PTPRT: variants seen among roughly 807,000 people sequenced by gnomAD.
PTPRT encodes the protein protein tyrosine phosphatase receptor type T, also known as receptor-type tyrosine-protein phosphatase T.
PTPRT carries 56 observed loss-of-function variants against 176.8 expected under a neutral mutation model. The ratio of observed to expected loss-of-function variants is 0.32; its 90% CI spans 0.26 to 0.40. PTPRT has a LOEUF of 0.40. Among genes scored for constraint, PTPRT ranks in the 10% least tolerant of loss-of-function variants. The pLI is 1.00. For missense variants in PTPRT, 1,540 were observed against 1,908.2 expected (o/e 0.81, Z 3.60); for synonymous variants, 783 against 739.0 (o/e 1.06, Z -0.96).
chr20:43,185,454 C>T lies in PTPRT; in HGVS notation c.88+4192G>A, dbSNP rs561089332. On this transcript the variant is annotated intron_variant, in intron 1 of 30. Coordinates refer to ENST00000373187, the MANE Select transcript of PTPRT (RefSeq NM_007050.6). ...AATGCATCCAAATGTTGTGTCCTGACGCAATATGTAGCCATTTGTGGTTTA... is the reference window on the plus strand; with the variant it reads ...AATGCATCCAAATGTTGTGTCCTGATGCAATATGTAGCCATTTGTGGTTTA... Among the ~76,000 whole-genome samples the T allele has an allele frequency of 5.3e-5, 8 of 152,236 alleles. No homozygotes were observed. In the South Asian group the frequency reaches 8.3e-4, roughly 16 times the overall value.
chr20:42,229,085 T>G (rs6093598), intron 15 of PTPRT, among the ~76,000 whole-genome samples: 63,330 of 152,052 alleles, frequency 0.42, 13,436 homozygotes, highest in African/African-American at 0.48. Context: ...CAGGAAGAAT[T>G]CACTGCAGGG....
chr20:42,689,293 A>G (rs1443052705), intron 6 of PTPRT, among the ~76,000 whole-genome samples: 1 of 152,156 alleles, frequency 6.6e-6, no homozygotes, highest in Non-Finnish European at 1.5e-5. Context: ...AAGAGAAAGG[A>G]TGTCTGGACG....
At chr20:42,671,114 T>A (rs1336226070) in intron 7 of PTPRT, among the ~76,000 whole-genome samples, 2 of 152,162 alleles carry the variant, frequency 1.3e-5, no homozygotes, top group Non-Finnish European at 1.5e-5. Context: ...CTATCTCTTG[T>A]CACCTCACCT....
At chr20:42,656,351 C>T (rs757564048) in intron 7 of PTPRT, among the ~76,000 whole-genome samples, 14 of 152,086 alleles carry the variant, frequency 9.2e-5, no homozygotes, top group East Asian at 3.8e-4. Context: ...CATGTGTTAA[C>T]GCCAGTAAGG....
chr20:43,043,660 G>A lies in PTPRT; in HGVS notation c.88+145986C>T, dbSNP rs550900495. Among the ~76,000 whole-genome samples the A allele has an allele frequency of 5.9e-4, 90 of 152,196 alleles. 1 individual carries two copies. The highest frequency in any genetic ancestry group is 2.1e-3 in the African/African-American group (87 of 41,514). On this transcript the variant is annotated intron_variant, in intron 1 of 30. Coordinates refer to ENST00000373187, the MANE Select transcript of PTPRT (RefSeq NM_007050.6). The stretch of plus-strand genomic sequence containing the variant: ...CCTAACCCGCTTCATTCCTTTGCAC[G>A]GAAGTAGGTTAAAGTTCAAGGACAG...
intron 1 of PTPRT, among the ~76,000 whole-genome samples, chr20:43,053,388 A>C (rs1987119803): frequency 6.6e-6 from 1 of 152,138 alleles, no homozygotes; most frequent in Admixed American, 6.6e-5. Context: ...TGCACCAGCT[A>C]CCCGGGTGGT....
At chr20:42,997,181 T>G (rs574316939) in intron 1 of PTPRT, among the ~76,000 whole-genome samples, 11 of 152,194 alleles carry the variant, frequency 7.2e-5, no homozygotes, top group African/African-American at 2.6e-4. Context: ...CCCACCCCCA[T>G]TTGCTTCTAC....
intron 9 of PTPRT, among the ~76,000 whole-genome samples, chr20:42,437,499 C>G (rs1568878223): frequency 6.6e-6 from 1 of 152,142 alleles, no homozygotes; most frequent in East Asian, 1.9e-4. Context: ...TAAAACAGAA[C>G]AAGAAAGCAG....
Position 42,155,029 on chromosome 20 carries a change from A to G in PTPRT, c.2682+6323T>C, listed in dbSNP as rs531910944. Reference sequence around the variant, plus strand: ...GGATGTGTGTGGGCACATGCTGGGGACTCCATGGGTTTTCTTAGTGGTTCT... The same window carrying G: ...GGATGTGTGTGGGCACATGCTGGGGGCTCCATGGGTTTTCTTAGTGGTTCT... On this transcript the variant is annotated intron_variant, in intron 17 of 30. Coordinates refer to ENST00000373187, the MANE Select transcript of PTPRT (RefSeq NM_007050.6). Among the ~76,000 whole-genome samples, 5 of 152,016 alleles carry G rather than the reference A, an allele frequency of 3.3e-5. No individual in the cohort carries two copies. The East Asian group carries it at 7.8e-4, about 24-fold the overall frequency.
intron 1 of PTPRT, among the ~76,000 whole-genome samples, chr20:42,997,528 T>C (rs181872747): frequency 1.3e-5 from 2 of 152,194 alleles, no homozygotes; most frequent in Non-Finnish European, 2.9e-5. Context: ...CCTCAAACTG[T>C]CCCAGCAGAT....
At chr20:42,924,424 C>T (rs1979353900) in intron 1 of PTPRT, among the ~76,000 whole-genome samples, 2 of 152,190 alleles carry the variant, frequency 1.3e-5, no homozygotes, top group African/African-American at 2.4e-5. Flanking sequence ...GGCCAGCATT[C>T]ACCAGCATTG....
At chr20:42,882,211 C>G (rs2079022003) in intron 2 of PTPRT, among the ~76,000 whole-genome samples, 1 of 152,176 alleles carries the variant, frequency 6.6e-6, no homozygotes, top group Non-Finnish European at 1.5e-5. Context: ...GAAGAACAAA[C>G]AGTTTTGCCT....
Position 42,550,003 on chromosome 20 carries a change from C to T in PTPRT, c.1154-77441G>A, listed in dbSNP as rs369250270. Among the ~76,000 whole-genome samples the T allele has an allele frequency of 3.1e-3, 465 of 152,252 alleles. 19 individuals carry two copies. In the South Asian group the frequency reaches 0.092, roughly 30 times the overall value. On this transcript the variant is annotated intron_variant, in intron 7 of 30. Coordinates refer to ENST00000373187, the MANE Select transcript of PTPRT (RefSeq NM_007050.6). ...GAAAATGGGCATGAACTGTGAATGG[C>T]TCGAGATTTTGTAATTTTTAGGAAG...
chr20:42,500,213 G>A (rs1004422239), intron 7 of PTPRT, among the ~76,000 whole-genome samples: 1 of 151,916 alleles, frequency 6.6e-6, no homozygotes, highest in Non-Finnish European at 1.5e-5. Flanking sequence ...ATAAAGTACA[G>A]AGAAGTACAC....
intron 7 of PTPRT, among the ~76,000 whole-genome samples, chr20:42,590,047 G>C (rs2073542202): frequency 6.6e-6 from 1 of 152,080 alleles, no homozygotes; most frequent in Non-Finnish European, 1.5e-5. Context: ...GACTTCTGAA[G>C]CTAAACATAA....
intron 7 of PTPRT, among the ~76,000 whole-genome samples, chr20:42,496,485 C>G (rs776095793): frequency 1.1e-4 from 16 of 152,020 alleles, no homozygotes; most frequent in Non-Finnish European, 2.2e-4. Flanking sequence ...TTTCTGGCAC[C>G]GCTCCTTCTA....
chr20:43,125,345 C>T (rs1366615580), intron 1 of PTPRT, among the ~76,000 whole-genome samples: 1 of 152,088 alleles, frequency 6.6e-6, no homozygotes, highest in Non-Finnish European at 1.5e-5. Flanking sequence ...AAATTCCACC[C>T]TCTTTCTACC....
chr20:42,976,028 C>T (rs962483391), intron 1 of PTPRT, among the ~76,000 whole-genome samples: 2 of 151,834 alleles, frequency 1.3e-5, no homozygotes, highest in East Asian at 1.9e-4. Context: ...GCAAGGCCAG[C>T]GTTATCATGC....
chr20:42,898,220 T>C (rs951284799), intron 1 of PTPRT, among the ~76,000 whole-genome samples: 1 of 152,142 alleles, frequency 6.6e-6, no homozygotes, highest in African/African-American at 2.4e-5. Flanking sequence ...TTTGTTGCTG[T>C]TGTTAAGAGA....
Sources: gnomAD v4.1 joint callset for allele counts (sites outside exome capture counted in the v4.1 genomes callset) on GRCh38, gnomAD v4.1.1 for gene constraint, MANE v1.5 for transcripts, NCBI Gene and HGNC (gene_info 2026-07-23, HGNC 2026-07-21) for gene names.